Variants in RPL37 observed in about 807,000 individuals in gnomAD.
RPL37 encodes the protein ribosomal protein L37, also known as large ribosomal subunit protein eL37.
A neutral mutation model predicts 14.8 loss-of-function variants in RPL37; 1 was observed. The ratio of observed to expected loss-of-function variants is 0.07; its 90% CI spans 0.02 to 0.32. RPL37 has a LOEUF of 0.32. RPL37 is among the 10% of genes least tolerant of loss of function. RPL37 has a pLI of 1.00. For missense variants in RPL37, 100 were observed against 128.3 expected (o/e 0.78, Z 1.06); for synonymous variants, 53 against 45.8 (o/e 1.16, Z -0.63).
In RPL37 at chr5:40,828,621, A is replaced by AAAAGT. The variant is rs1745569774; in HGVS notation, c.*3878_*3882dup. ...TGCTCTAACATGAGAGAGGTTTATG[A>AAAAGT]AAAGTAAAGACTAGCCTAAATTTTG... On this transcript the variant is annotated 3_prime_UTR_variant, in exon 4 of 4. Transcript: ENST00000274242. 1 of 152,224 alleles carries AAAAGT rather than the reference A, an allele frequency of 6.6e-6. No homozygotes were observed. The highest frequency in any genetic ancestry group is 2.4e-5 in the African/African-American group (1 of 41,460). 9.4% of individuals were successfully genotyped at this position (152,224 alleles called of 1,614,324 possible).
In RPL37 at chr5:40,832,336, T is replaced by C; in HGVS notation, c.*168A>G. 1.5e-6 allele frequency: 1 copy of C among 688,436 alleles called. No individual in the cohort carries two copies. The highest frequency in any genetic ancestry group is 2.7e-6 in the Non-Finnish European group (1 of 374,678). The allele number at this position is 688,436 out of a possible 1,614,324, so 42.6% of individuals were successfully genotyped here. On this transcript the variant is annotated 3_prime_UTR_variant, in exon 4 of 4. Transcript: ENST00000274242. The stretch of plus-strand genomic sequence containing the variant: ...ACAAACCCAGTCCAAAAGTAAACAT[T>C]CCAAAACAGTCACTTAACAAGTAAA...
chr5:40,827,081 G>C lies in RPL37; in HGVS notation c.*5423C>G, dbSNP rs1403851940. 1 of 152,244 alleles carries C rather than the reference G, an allele frequency of 6.6e-6. No individual in the cohort carries two copies. Among genetic ancestry groups the C allele is most frequent in the Non-Finnish European group, 1.5e-5 (1 of 68,082 alleles). 9.4% of individuals were successfully genotyped at this position (152,244 alleles called of 1,614,324 possible). On this transcript the variant is annotated 3_prime_UTR_variant, in exon 4 of 4. Transcript: ENST00000274242. ...AGCATGAACCTCCGAACCTGGCAGA[G>C]TATTTTAAATTGAGATGGGTCCATC...
intron 3 of RPL37, 72 bp downstream of exon 3, chr5:40,834,109 C>T (rs565847017): frequency 2.8e-6 from 3 of 1,075,630 alleles, no homozygotes; most frequent in Non-Finnish European, 2.9e-6. Flanking sequence ...GTACTGTTAT[C>T]TTTTTACAAG....
At chr5:40,834,726 G>A (rs1027187776) in intron 1 of RPL37, 120 bp from the exon 2 acceptor site, 8 of 1,170,650 alleles carry the variant, frequency 6.8e-6, no homozygotes, top group East Asian at 4.8e-5. Flanking sequence ...AACTGCGGGA[G>A]AAGCCTCTTT....
rs1406619976 is a variant in RPL37 at position 40,829,398 on chromosome 5, T to C, written c.*3106A>G. The C allele has an allele frequency of 6.6e-6, 1 of 152,226 alleles. No individual in the cohort carries two copies. Among genetic ancestry groups the C allele is most frequent in the Non-Finnish European group, 1.5e-5 (1 of 68,046 alleles). 9.4% of individuals were successfully genotyped at this position (152,226 alleles called of 1,614,324 possible). A position where few individuals can be genotyped will look rare whatever the true frequency, so the allele number is the denominator to read the frequency against. ...ATTCTTCATAATCTGATCGCTGCTC[T>C]TCCCTGAATTCTTTTCTTACCAACC... On this transcript the variant is annotated 3_prime_UTR_variant, in exon 4 of 4. Transcript: ENST00000274242.
Position 40,830,268 on chromosome 5 carries a change from A to G in RPL37, c.*2236T>C, listed in dbSNP as rs1022135543. The G allele has an allele frequency of 6.6e-6, 1 of 152,230 alleles. No homozygotes were observed. The highest frequency in any genetic ancestry group is 3.2e-3 in the Middle Eastern group (1 of 316). The allele number at this position is 152,230 out of a possible 1,614,324, so 9.4% of individuals were successfully genotyped here. On this transcript the variant is annotated 3_prime_UTR_variant, in exon 4 of 4. Coordinates refer to ENST00000274242, the MANE Select transcript of RPL37 (RefSeq NM_000997.5). The stretch of plus-strand genomic sequence containing the variant: ...TTTAAAGTATAATGGGTATCTATAC[A>G]TAACTATAACTTAAGGCAGGACTGA...
intron 1 of RPL37, among the ~76,000 whole-genome samples, 164 bp from the exon 2 acceptor site, chr5:40,834,770 T>A (rs149212991): frequency 2.4e-3 from 362 of 152,310 alleles, no homozygotes; most frequent in African/African-American, 8.4e-3. Flanking sequence ...ACTACCCGCA[T>A]TTCACGTTAC....
At position 40,827,364 on chromosome 5, in the gene RPL37, C is replaced by CTTAATTA. The variant is rs1745540309; in HGVS notation, c.*5139_*5140insTAATTAA. ...ATCAGAGGAATCGTGCCCTCCACTGCCAGCTTGCAGTTTAAAGCACACCCA... is the reference window on the plus strand; with the variant it reads ...ATCAGAGGAATCGTGCCCTCCACTGCTTAATTACAGCTTGCAGTTTAAAGCACACCCA... On this transcript the variant is annotated 3_prime_UTR_variant, in exon 4 of 4. Coordinates refer to ENST00000274242, the MANE Select transcript of RPL37 (RefSeq NM_000997.5). The CTTAATTA allele has an allele frequency of 6.6e-6, 1 of 152,198 alleles. No individual in the cohort carries two copies. Among genetic ancestry groups the CTTAATTA allele is most frequent in the Non-Finnish European group, 1.5e-5 (1 of 68,064 alleles). 9.4% of individuals were successfully genotyped at this position (152,198 alleles called of 1,614,324 possible).
rs1263645411 is a variant in RPL37 at position 40,827,559 on chromosome 5, T to G, written c.*4945A>C. On this transcript the variant is annotated 3_prime_UTR_variant, in exon 4 of 4. Transcript: ENST00000274242. The stretch of plus-strand genomic sequence containing the variant: ...TTCATCCTGGGGCACCAGGGTATAC[T>G]CCCACCGTATAAAGACACAAACATA... 2 of 152,062 alleles carry G rather than the reference T, an allele frequency of 1.3e-5. No individual in the cohort carries two copies. The highest frequency in any genetic ancestry group is 4.8e-5 in the African/African-American group (2 of 41,400). 9.4% of individuals were successfully genotyped at this position (152,062 alleles called of 1,614,324 possible).
chr5:40,830,165 G>C lies in RPL37; in HGVS notation c.*2339C>G, dbSNP rs936425003. The C allele has an allele frequency of 6.6e-5, 10 of 151,992 alleles. No individual in the cohort carries two copies. The highest frequency in any genetic ancestry group is 2.2e-4 in the African/African-American group (9 of 41,352). 9.4% of individuals were successfully genotyped at this position (151,992 alleles called of 1,614,324 possible). A position where few individuals can be genotyped will look rare whatever the true frequency, so the allele number is the denominator to read the frequency against. ...AGTTGAAAAGCAGATGGGGTACTTA[G>C]GAAAAATAAATTTAACATTTTTGCA... On this transcript the variant is annotated 3_prime_UTR_variant, in exon 4 of 4. Transcript: ENST00000274242.
At chr5:40,835,100 G>A (rs200524596) in intron 1 of RPL37, 83 bp downstream of exon 1, 1 of 1,588,540 alleles carries the variant, frequency 6.3e-7, no homozygotes, top group Non-Finnish European at 8.6e-7. Flanking sequence ...CCGGAATCTT[G>A]CCAGCCCCCC....
Position 40,831,100 on chromosome 5 carries a change from T to G in RPL37, c.*1404A>C, listed in dbSNP as rs192219. On this transcript the variant is annotated 3_prime_UTR_variant, in exon 4 of 4. Transcript: ENST00000274242. ...CTACTAAGAATACAAAAAGAATTAGTCGAGTGAATCTCCATCTCTACAAAA... is the reference window on the plus strand; with the variant it reads ...CTACTAAGAATACAAAAAGAATTAGGCGAGTGAATCTCCATCTCTACAAAA... 3.3e-5 allele frequency: 5 copies of G among 151,750 alleles called. No individual in the cohort carries two copies. Among genetic ancestry groups the G allele is most frequent in the African/African-American group, 1.2e-4 (5 of 41,314 alleles). The allele number at this position is 151,750 out of a possible 1,614,324, so 9.4% of individuals were successfully genotyped here. A position where few individuals can be genotyped will look rare whatever the true frequency, so the allele number is the denominator to read the frequency against.
In RPL37 at chr5:40,828,000, A is replaced by G. The variant is rs1468672323; in HGVS notation, c.*4504T>C. 2.0e-5 allele frequency: 3 copies of G among 152,254 alleles called. No individual in the cohort carries two copies. The highest frequency in any genetic ancestry group is 7.2e-5 in the African/African-American group (3 of 41,470). The allele number at this position is 152,254 out of a possible 1,614,324, so 9.4% of individuals were successfully genotyped here. A position where few individuals can be genotyped will look rare whatever the true frequency, so the allele number is the denominator to read the frequency against. ...ACCTAAATATAATCCAAATGTGCTA[A>G]TAAATGTGAAACAGCCTCTTTCTCT... On this transcript the variant is annotated 3_prime_UTR_variant, in exon 4 of 4. Coordinates refer to ENST00000274242, the MANE Select transcript of RPL37 (RefSeq NM_000997.5).
chr5:40,834,366 T>G lies in RPL37; in HGVS notation c.140-101A>C. On this transcript the variant is annotated intron_variant, in intron 2 of 3. Coordinates refer to ENST00000274242, the MANE Select transcript of RPL37 (RefSeq NM_000997.5). ...TTATGCCACCTCATCGGCATACAGA[T>G]GTACGAGTTTTAAGATAGGCACCAA... is the stretch of plus-strand genomic sequence containing the variant. 5.1e-6 allele frequency: 8 copies of G among 1,566,074 alleles called. No homozygotes were observed. The South Asian group carries it at 9.1e-5, about 18-fold the overall frequency.
At chr5:40,832,736 G>GA in intron 3 of RPL37, 163 bp from the exon 4 acceptor site, 1 of 753,524 alleles carries the variant, frequency 1.3e-6, no homozygotes, top group Non-Finnish European at 2.5e-6. Context: ...CTGATAAGCT[G>GA]AAATTCTTCA....
chr5:40,832,383 T>C lies in RPL37; in HGVS notation c.*121A>G, dbSNP rs143794486. ...TAAATCTGATATGAAGCTAGCCCAG[T>C]CCCTAAACCTACAGTATTTCACTGA... is the stretch of plus-strand genomic sequence containing the variant. On this transcript the variant is annotated 3_prime_UTR_variant, in exon 4 of 4. Transcript: ENST00000274242. 2 of 850,006 alleles carry C rather than the reference T, an allele frequency of 2.4e-6. No individual in the cohort carries two copies. The highest frequency in any genetic ancestry group is 3.3e-5 in the African/African-American group (2 of 60,094). The allele number at this position is 850,006 out of a possible 1,614,324, so 52.7% of individuals were successfully genotyped here.
In RPL37 at chr5:40,832,294, T is replaced by G. The variant is rs1049155871; in HGVS notation, c.*210A>C. 3 of 563,642 alleles carry G rather than the reference T, an allele frequency of 5.3e-6. No individual in the cohort carries two copies. The African/African-American group carries it at 5.6e-5, about 11-fold the overall frequency. The allele number at this position is 563,642 out of a possible 1,614,324, so 34.9% of individuals were successfully genotyped here. A position where few individuals can be genotyped will look rare whatever the true frequency, so the allele number is the denominator to read the frequency against. On this transcript the variant is annotated 3_prime_UTR_variant, in exon 4 of 4. Coordinates refer to ENST00000274242, the MANE Select transcript of RPL37 (RefSeq NM_000997.5). ...CTCCTGGAATTCTGCTTGTTTCTCA[T>G]TGCCTTTAACCGTGTTACAAACCCA... is the stretch of plus-strand genomic sequence containing the variant.
chr5:40,830,389 T>C lies in RPL37; in HGVS notation c.*2115A>G, dbSNP rs1311333931. On this transcript the variant is annotated 3_prime_UTR_variant, in exon 4 of 4. Coordinates refer to ENST00000274242, the MANE Select transcript of RPL37 (RefSeq NM_000997.5). The stretch of plus-strand genomic sequence containing the variant: ...TGGGAGGCCAAGATGAGAGGATCAC[T>C]TGAAACCAGGAGTCCAAGACCAGCC... 1 of 152,116 alleles carries C rather than the reference T, an allele frequency of 6.6e-6. No homozygotes were observed. The highest frequency in any genetic ancestry group is 1.9e-4 in the East Asian group (1 of 5,146). The allele number at this position is 152,116 out of a possible 1,614,324, so 9.4% of individuals were successfully genotyped here.
Position 40,826,381 on chromosome 5 carries a change from C to T in RPL37, c.*6123G>A, listed in dbSNP as rs1354477091. 2 of 152,108 alleles carry T rather than the reference C, an allele frequency of 1.3e-5. No homozygotes were observed. Among genetic ancestry groups the T allele is most frequent in the African/African-American group, 4.8e-5 (2 of 41,416 alleles). The allele number at this position is 152,108 out of a possible 1,614,324, so 9.4% of individuals were successfully genotyped here. ...TTTATTTTTTATATCCCAGCCCTCC[C>T]ATGTAAGACTGGTCATTTTTTAGAA... On this transcript the variant is annotated 3_prime_UTR_variant, in exon 4 of 4. Transcript: ENST00000274242.
Sources: allele counts gnomAD v4.1 joint callset (sites outside exome capture counted in the v4.1 genomes callset), GRCh38; gene constraint gnomAD v4.1.1; transcripts MANE v1.5; gene names NCBI Gene and HGNC (gene_info 2026-07-23, HGNC 2026-07-21).